Variants in TTN observed in about 807,000 individuals in gnomAD.
TTN encodes the protein connectin.
In TTN, 1,525 loss-of-function variants were observed where a neutral mutation model predicts 3,223.0. The observed-to-expected ratio is 0.47, with a 90% CI of 0.45 to 0.49. The LOEUF is 0.49. TTN is among the 20% of genes least tolerant of loss of function. The probability of loss-of-function intolerance (pLI) is 0.00; values close to 1 mark genes in which losing one functional copy is unlikely to be tolerated. For missense variants in TTN, 40,786 were observed against 43,424.0 expected (o/e 0.94, Z 5.40); for synonymous variants, 14,094 against 15,161.0 (o/e 0.93, Z 5.17).
At chr2:178,677,549 A>G in intron 146 of TTN, 72 bp downstream of exon 146, 1 of 1,447,466 alleles carries the variant, frequency 6.9e-7, no homozygotes, top group Non-Finnish European at 9.2e-7. Flanking sequence ...AAAACTGGAG[A>G]TGAACAAAAG....
In TTN at chr2:178,594,647, C is replaced by T; in HGVS notation, c.57848-1G>A. ...AGGTCTTCAGGACGCTCTGGTACAG[C>T]TGCGAATATAAGTATAGGAATTGTG... is the stretch of plus-strand genomic sequence containing the variant. On this transcript the variant is annotated splice_acceptor_variant, in intron 295 of 362. Coordinates refer to ENST00000589042, the MANE Select transcript of TTN (RefSeq NM_001267550.2). LOFTEE classifies it high-confidence loss of function. 1.9e-6 allele frequency: 3 copies of T among 1,591,702 alleles called. No individual in the cohort carries two copies. The highest frequency in any genetic ancestry group is 1.7e-6 in the Non-Finnish European group (2 of 1,169,012).
chr2:178,559,598 G>A lies in TTN; in HGVS notation c.86534C>T (p.Thr28845Ile), dbSNP rs1488272613. 1 of 1,613,800 alleles carries A rather than the reference G, an allele frequency of 6.2e-7. No homozygotes were observed. Among genetic ancestry groups the A allele is most frequent in the Non-Finnish European group, 8.5e-7 (1 of 1,179,766 alleles). ...AGTAATGTTGGTTGGAGGACCTGGG[G>A]TATCTAAAACTTTGACAACTAAGGT... is the stretch of plus-strand genomic sequence containing the variant. The part of the protein sequence containing the change: ...SLTLVVKVLD[T>I]PGPPTNITVQ... Residue 28845 changes from threonine to isoleucine, a missense_variant, in exon 326 of 363, where the codon ACC becomes ATC. Transcript: ENST00000589042.
At position 178,527,555 on chromosome 2, in the gene TTN, G is replaced by A; in HGVS notation, c.107571C>T (p.Ser35857=). The A allele has an allele frequency of 6.2e-7, 1 of 1,613,996 alleles. No homozygotes were observed. Among genetic ancestry groups the A allele is most frequent in the Non-Finnish European group, 8.5e-7 (1 of 1,179,882 alleles). ...TTTCTACAAAGGACTCTTGCATGGA[G>A]GACATGCTTTGGGCAGACATGCTTG... ...KFASMSAQSM[S]SMQESFVEMS... is the part of the protein sequence containing the mutation. The change falls in exon 362 of 363, where the codon TCC becomes TCT. Residue 35857 remains serine (S), a synonymous_variant. Transcript: ENST00000589042.
At chr2:178,546,526 G>T in intron 341 of TTN, 24 bp from the exon 342 acceptor site, 1 of 1,601,990 alleles carries the variant, frequency 6.2e-7, no homozygotes. Context: ...AAACAGATAT[G>T]AATGAATATC....
chr2:178,637,293 T>G (rs1457138926), intron 224 of TTN, 76 bp downstream of exon 224: 5 of 1,081,004 alleles, frequency 4.6e-6, no homozygotes, highest in Non-Finnish European at 6.3e-6. Flanking sequence ...TTTTGAAATT[T>G]TTTTCCCCTT....
intron 88 of TTN, among the ~76,000 whole-genome samples, chr2:178,716,525 A>C (rs2077509629): frequency 6.6e-6 from 1 of 152,168 alleles, no homozygotes; most frequent in Non-Finnish European, 1.5e-5. Flanking sequence ...TTAATTTCTG[A>C]CAGTAGCAGC....
In TTN at chr2:178,548,412, G is replaced by C. The variant is rs368932767; in HGVS notation, c.93214C>G (p.Arg31072Gly). 1.9e-6 allele frequency: 3 copies of C among 1,613,816 alleles called. No homozygotes were observed. In the South Asian group the frequency reaches 3.3e-5, roughly 18 times the overall value. Residue 31072 changes from arginine (R) to glycine (G), a missense_variant, in exon 339 of 363, where the codon CGT (arginine) becomes GGT (glycine). By Grantham distance (125) the Arg-to-Gly change is moderately radical. Transcript: ENST00000589042. The surrounding 1 kb of genome is among the most constrained non-coding windows in gnomAD (Gnocchi z 4.3). The part of the protein sequence containing the change: ...SWQVISEKCT[R>G]QIFKVNDLAE... ...AGGTCATTGACCTTGAAGATCTGAC[G>C]AGTGCATTTTTCACTGATAACCTGC...
chr2:178,688,953 A>G (rs1009687470), intron 125 of TTN, 100 bp downstream of exon 125: 10 of 1,265,190 alleles, frequency 7.9e-6, no homozygotes, highest in South Asian at 6.5e-5. Context: ...ACAATGGATC[A>G]GTATAAGCAC....
Position 178,633,920 on chromosome 2 carries a change from G to A in TTN, c.42579C>T (p.Gly14193=), listed in dbSNP as rs1311609503. ...CTTTCATTTCCAATTTGTGAGTCTT[G>A]CCCTCAGAAGAGATGAGTACTGTTC... ...TSRTVLISSE[G]KTHKLEMKEV... is the part of the protein sequence containing the mutation. The change falls in exon 231 of 363, where the codon GGC becomes GGT. Residue 14193 remains glycine (G), a synonymous_variant. Transcript: ENST00000589042. 6.2e-7 allele frequency: 1 copy of A among 1,613,212 alleles called. No individual in the cohort carries two copies. The highest frequency in any genetic ancestry group is 8.5e-7 in the Non-Finnish European group (1 of 1,179,556).
intron 349 of TTN, 152 bp downstream of exon 349, chr2:178,542,112 T>C (rs1694863357): frequency 2.6e-6 from 2 of 761,878 alleles, no homozygotes; most frequent in Non-Finnish European, 3.9e-6. Flanking sequence ...TTTAGAAACC[T>C]GAGAAAAGGA....
At position 178,652,282 on chromosome 2, in the gene TTN, C is replaced by T. The variant is rs1425793728; in HGVS notation, c.39193G>A (p.Glu13065Lys). 5 of 1,613,668 alleles carry T rather than the reference C, an allele frequency of 3.1e-6. No individual in the cohort carries two copies. Among genetic ancestry groups the T allele is most frequent in the Non-Finnish European group, 3.4e-6 (4 of 1,179,690 alleles). ...TGTCTACCTTTTGTGGGTGGCACTT[C>T]AGGCTTTTTAGGAGGAGGCACTGGC... Reference protein sequence around the residue: ...KVPVPPPKKPEVPPTKVPEVP... With the variant: ...KVPVPPPKKPKVPPTKVPEVP... Residue 13065 changes from glutamate to lysine, a missense_variant, in exon 203 of 363, where the codon GAA becomes AAA. Physicochemically the swap from Glu to Lys is moderately conservative, Grantham distance 56. Transcript: ENST00000589042.
rs766921440 is a variant in TTN at position 178,652,470 on chromosome 2, T to G, written c.39115A>C (p.Thr13039Pro). 5.6e-6 allele frequency: 9 copies of G among 1,612,540 alleles called. No individual in the cohort carries two copies. In the African/African-American group the frequency reaches 6.7e-5, roughly 12 times the overall value. ...CAGTGACAAATACCTTTAACAGGTG[T>G]GACTTCAGGCTTTTTAGGAGGAGCC... ...PAAPPKKPEVTPVKVPEAPKE... is the reference protein window; with the variant it reads ...PAAPPKKPEVPPVKVPEAPKE... The change falls in exon 202 of 363, where the codon ACA (threonine) becomes CCA (proline). Residue 13039 changes from threonine (T) to proline (P), a missense_variant. Transcript: ENST00000589042.
chr2:178,770,806 C>T (rs757296702), intron 34 of TTN, 131 bp from the exon 35 acceptor site: 35 of 1,193,086 alleles, frequency 2.9e-5, no homozygotes, highest in Non-Finnish European at 2.8e-5. Context: ...TATGCAGCAC[C>T]TCTGTTTTAA....
intron 2 of TTN, among the ~76,000 whole-genome samples, chr2:178,804,064 G>T (rs1302569632): frequency 6.6e-6 from 1 of 152,198 alleles, no homozygotes; most frequent in Non-Finnish European, 1.5e-5. Context: ...ATAATGAGGA[G>T]TTGGTTAATT....
chr2:178,557,232 C>T (rs1302103498), intron 329 of TTN, 21 bp downstream of exon 329: 5 of 1,613,616 alleles, frequency 3.1e-6, no homozygotes, highest in African/African-American at 1.3e-5. Flanking sequence ...CAGAACTGCC[C>T]TTCCCATGAC....
chr2:178,616,581 G>A lies in TTN; in HGVS notation c.48210C>T (p.Asp16070=), dbSNP rs1004375786. Residue 16070 remains aspartate (D), a synonymous_variant, in exon 257 of 363, where the codon GAC becomes GAT. Coordinates refer to ENST00000589042, the MANE Select transcript of TTN (RefSeq NM_001267550.2). The part of the protein sequence containing the change: ...KELKFGDITK[D]SVHLTWEPPD... Reference sequence around the variant, plus strand: ...GTGGTTCCCAAGTCAAATGTACTGAGTCCTTGGTTATATCACCAAATTTCA... The same window carrying A: ...GTGGTTCCCAAGTCAAATGTACTGAATCCTTGGTTATATCACCAAATTTCA... 3.1e-6 allele frequency: 5 copies of A among 1,612,130 alleles called. No individual in the cohort carries two copies. The African/African-American group carries it at 6.7e-5, about 22-fold the overall frequency.
At chr2:178,736,390 ATACTT>A (rs1182613469) in intron 49 of TTN, among the ~76,000 whole-genome samples, 1 of 152,238 alleles carries the variant, frequency 6.6e-6, no homozygotes, top group African/African-American at 2.4e-5. Context: ...TATTGAGCTG[ATACTT>A]TAATTCTGCA....
chr2:178,782,278 A>G lies in TTN; in HGVS notation c.3314T>C (p.Val1105Ala), dbSNP rs1263142800. ...TACATGGGGCTTTGGGTTGCCGCCA[A>G]CTTGGCATCCAAACACCACGCTCCC... Reference protein sequence around the residue: ...EGGSVVFGCQVGGNPKPHVYW... With the variant: ...EGGSVVFGCQAGGNPKPHVYW... The change falls in exon 20 of 363, where the codon GTT becomes GCT. Residue 1105 changes from valine (V) to alanine (A), a missense_variant. Coordinates refer to ENST00000589042, the MANE Select transcript of TTN (RefSeq NM_001267550.2). 5.0e-6 allele frequency: 8 copies of G among 1,614,118 alleles called. No homozygotes were observed. The highest frequency in any genetic ancestry group is 1.1e-5 in the South Asian group (1 of 91,074).
At chr2:178,799,211 C>T in intron 6 of TTN, 3 of 433,692 alleles carry the variant, frequency 6.9e-6, no homozygotes, top group Non-Finnish European at 1.3e-5. Context: ...GTTGCATTTC[C>T]CAAGATCACC....
Sources: allele counts gnomAD v4.1 joint callset (sites outside exome capture counted in the v4.1 genomes callset), GRCh38; gene constraint gnomAD v4.1.1; non-coding constraint Gnocchi (gnomAD v3.1); transcripts MANE v1.5; gene names NCBI Gene and HGNC (gene_info 2026-07-23, HGNC 2026-07-21).